The following CACNA1E variants were observed in gnomAD, a reference collection of about 807,000 sequenced individuals.
CACNA1E encodes the protein voltage-dependent R-type calcium channel subunit alpha-1E.
A neutral mutation model predicts 259.2 loss-of-function variants in CACNA1E; 40 were observed. That is an observed-to-expected ratio of 0.15 (90% CI 0.12 to 0.20). The LOEUF (loss-of-function observed/expected upper bound fraction) is 0.20. Among genes scored for constraint, CACNA1E ranks in the 10% least tolerant of loss-of-function variants. CACNA1E has a pLI of 1.00. For synonymous variants in CACNA1E, 1,104 were observed against 1,138.5 expected (o/e 0.97, Z 0.61); for missense variants, 1,874 against 3,040.1 (o/e 0.62, Z 9.02).
At chr1:181,726,243 A>G (rs1037625450) in intron 18 of CACNA1E, 81 bp downstream of exon 18, 29 of 985,784 alleles carry the variant, frequency 2.9e-5, no homozygotes, top group Admixed American at 4.0e-5. Flanking sequence ...TATTGGTTAT[A>G]GGAGTGTACC....
chr1:181,502,729 C>T (rs1243112181), intron 1 of CACNA1E, among the ~76,000 whole-genome samples: 2 of 152,162 alleles, frequency 1.3e-5, no homozygotes, highest in Non-Finnish European at 2.9e-5. Flanking sequence ...GACAGAGTCT[C>T]ACCCTGTCCC....
chr1:181,757,533 ATTTC>A (rs1216071024), intron 30 of CACNA1E, among the ~76,000 whole-genome samples: 1 of 152,184 alleles, frequency 6.6e-6, no homozygotes, highest in East Asian at 1.9e-4. Context: ...TGTTTTTGAA[ATTTC>A]TTTATTTTAT....
Position 181,715,370 on chromosome 1 carries a change from G to A in CACNA1E, c.1204G>A (p.Ala402Thr), listed in dbSNP as rs770239808. The A allele has an allele frequency of 1.9e-6, 3 of 1,600,788 alleles. No individual in the cohort carries two copies. Among genetic ancestry groups the A allele is most frequent in the South Asian group, 2.2e-5 (2 of 89,248 alleles). Residue 402 changes from alanine to threonine, a missense_variant, in exon 9 of 48, where the codon GCT (alanine) becomes ACT (threonine). Coordinates refer to ENST00000367573, the MANE Select transcript of CACNA1E (RefSeq NM_001205293.3). ...EVMLAEENKN[A>T]GTSALEVLRR... is the part of the protein sequence containing the mutation. ...CATGCTCGCTGAAGAAAATAAAAAT[G>A]CTGGAACATCCGCCTTAGAAGGTAA...
At chr1:181,390,275 G>T (rs1370199049) in intron 1 of CACNA1E, among the ~76,000 whole-genome samples, 2 of 151,962 alleles carry the variant, frequency 1.3e-5, no homozygotes, top group African/African-American at 4.8e-5. Context: ...TGAATGCAGT[G>T]ATTACCCAGG....
chr1:181,641,721 T>G (rs1346150328), intron 6 of CACNA1E, among the ~76,000 whole-genome samples: 2 of 143,090 alleles, frequency 1.4e-5, no homozygotes, highest in South Asian at 2.3e-4. Context: ...TTTTTTTTTT[T>G]TTTTTTTTTT....
At chr1:181,476,103 G>C (rs979825331) in intron 2 of CACNA1E, among the ~76,000 whole-genome samples, 3 of 152,048 alleles carry the variant, frequency 2.0e-5, no homozygotes, top group African/African-American at 7.3e-5. Flanking sequence ...GGAGGTCAGT[G>C]GTGTCAAATG....
At chr1:181,451,535 A>C (rs2102337029) in intron 2 of CACNA1E, among the ~76,000 whole-genome samples, 1 of 152,268 alleles carries the variant, frequency 6.6e-6, no homozygotes, top group East Asian at 1.9e-4. Flanking sequence ...AAAATACAAA[A>C]TTAGCCGGGC....
intron 6 of CACNA1E, among the ~76,000 whole-genome samples, chr1:181,622,605 T>C (rs1167018949): frequency 6.6e-6 from 1 of 152,156 alleles, no homozygotes; most frequent in African/African-American, 2.4e-5. Context: ...ACCAGTAAGG[T>C]TGGATTAGGG....
intron 3 of CACNA1E, among the ~76,000 whole-genome samples, chr1:181,519,986 T>C (rs1666870347): frequency 6.6e-6 from 1 of 152,108 alleles, no homozygotes; most frequent in African/African-American, 2.4e-5. Flanking sequence ...GAAGTGAAGG[T>C]AAAACCTGCT....
intron 1 of CACNA1E, among the ~76,000 whole-genome samples, chr1:181,399,407 C>A (rs1234961980): frequency 2.0e-5 from 3 of 152,116 alleles, no homozygotes; most frequent in Non-Finnish European, 4.4e-5. Context: ...TAGATTGTCC[C>A]AGGTGGCCAC....
chr1:181,404,273 C>G lies in CACNA1E; in HGVS notation c.-14-8860C>G, dbSNP rs765579780. Among the ~76,000 whole-genome samples the G allele has an allele frequency of 7.0e-3, 1,059 of 152,318 alleles. 6 individuals are homozygous for G. Among genetic ancestry groups the G allele is most frequent in the Non-Finnish European group, 0.012 (848 of 68,016 alleles). ...TTTTAGATCATTGGAGAGATGTGGG[C>G]ACTTTCAATTGGATTGTAATTGTTG... is the stretch of plus-strand genomic sequence containing the variant. On this transcript the variant is annotated intron_variant, in intron 1 of 11. Coordinates refer to the CACNA1E transcript ENST00000524607.
At chr1:181,465,628 CT>C (rs1360098987) in intron 2 of CACNA1E, among the ~76,000 whole-genome samples, 1 of 152,060 alleles carries the variant, frequency 6.6e-6, no homozygotes, top group Non-Finnish European at 1.5e-5. Flanking sequence ...TATCTATTGC[CT>C]TTAATTTCAA....
chr1:181,559,779 G>A (rs1193262865), intron 3 of CACNA1E, among the ~76,000 whole-genome samples: 1 of 152,154 alleles, frequency 6.6e-6, no homozygotes, highest in Non-Finnish European at 1.5e-5. Flanking sequence ...CTGGACCAGG[G>A]AAGTGAGGAG....
At chr1:181,529,219 T>G (rs1341141710) in intron 3 of CACNA1E, among the ~76,000 whole-genome samples, 1 of 151,992 alleles carries the variant, frequency 6.6e-6, no homozygotes, top group Admixed American at 6.5e-5. Context: ...AAGCCCCAAG[T>G]CTTGGCAGCT....
chr1:181,701,448 C>T (rs962150587), intron 7 of CACNA1E, among the ~76,000 whole-genome samples: 10 of 152,168 alleles, frequency 6.6e-5, no homozygotes, highest in African/African-American at 9.7e-5. Flanking sequence ...TCCTGCACCA[C>T]GGGGCTTTGA....
intron 6 of CACNA1E, among the ~76,000 whole-genome samples, chr1:181,641,703 G>GTTTTTTTTTTTTTTTTT (rs751082929): frequency 1.2e-5 from 1 of 81,114 alleles, no homozygotes; most frequent in Non-Finnish European, 2.5e-5. Flanking sequence ...CTAATTTTTT[G>GTTTTTTTTTTTTTTTTT]TTTTTTTTTT....
rs765047102 is a variant in CACNA1E, at chr1:181,683,109, G to A, written c.1056-27845G>A. Among the ~76,000 whole-genome samples the A allele has an allele frequency of 4.2e-4, 64 of 152,150 alleles. 1 individual carries two copies. Among genetic ancestry groups the A allele is most frequent in the Non-Finnish European group, 2.1e-4 (14 of 68,038 alleles). ...TTATGGCATATGACGTTTTATATTG[G>A]TTTACTTGTCTGGCTCCTTGGTAGA... is the stretch of plus-strand genomic sequence containing the variant. On this transcript the variant is annotated intron_variant, in intron 7 of 47. Transcript: ENST00000367573.
chr1:181,510,991 C>T (rs1400230319), intron 2 of CACNA1E, among the ~76,000 whole-genome samples: 1 of 152,220 alleles, frequency 6.6e-6, no homozygotes, highest in African/African-American at 2.4e-5. Context: ...AACGTATTCC[C>T]CCTAAAAAGA....
intron 7 of CACNA1E, among the ~76,000 whole-genome samples, chr1:181,658,429 T>G (rs1459037740): frequency 2.0e-5 from 3 of 152,252 alleles, no homozygotes; most frequent in Middle Eastern, 3.2e-3. Flanking sequence ...GATAAGTTAC[T>G]CTGAGCCTGC....
Sources: allele counts gnomAD v4.1 joint callset (sites outside exome capture counted in the v4.1 genomes callset), GRCh38; gene constraint gnomAD v4.1.1; transcripts MANE v1.5; gene names NCBI Gene and HGNC (gene_info 2026-07-23, HGNC 2026-07-21).